The following RNF180 variants were observed in gnomAD, a reference collection of about 807,000 sequenced individuals.
RNF180 encodes ring finger protein 180.
In RNF180, 38 loss-of-function variants were observed where a neutral mutation model predicts 59.2. That is an observed-to-expected ratio of 0.64 (90% CI 0.50 to 0.84). The LOEUF is 0.84. Ranked by LOEUF, RNF180 falls within the 40% of genes least tolerant of loss-of-function variation. RNF180 has a pLI of 0.00. For missense variants in RNF180, 705 were observed against 700.9 expected, an observed-to-expected ratio of 1.01 and a Z score of -0.07; for synonymous variants, 262 against 240.3, an observed-to-expected ratio of 1.09 and a Z score of -0.84.
chr5:64,214,591 C>T (rs1458206030), intron 4 of RNF180, 74 bp downstream of exon 4: 4 of 1,321,780 alleles, frequency 3.0e-6, no homozygotes, highest in East Asian at 2.4e-5. Flanking sequence ...AGCTAACTTT[C>T]AACATCTGTA....
intron 5 of RNF180, among the ~76,000 whole-genome samples, chr5:64,313,066 G>C (rs1743856998): frequency 6.6e-6 from 1 of 152,088 alleles, no homozygotes; most frequent in Non-Finnish European, 1.5e-5. Flanking sequence ...TACATAGTAA[G>C]ATATCTTGGA....
chr5:64,271,024 CAG>C (rs1026061539), intron 5 of RNF180, among the ~76,000 whole-genome samples: 1 of 151,910 alleles, frequency 6.6e-6, no homozygotes, highest in Non-Finnish European at 1.5e-5. Flanking sequence ...GAAAACAAAA[CAG>C]AATAAAATAC....
At chr5:64,359,131 G>A (rs62369388) in intron 7 of RNF180, among the ~76,000 whole-genome samples, 4 of 149,422 alleles carry the variant, frequency 2.7e-5, no homozygotes, top group East Asian at 2.0e-4. Context: ...ATGATTTATA[G>A]TCCTTTGGGT....
chr5:64,333,609 C>G (rs1162706343), intron 7 of RNF180, among the ~76,000 whole-genome samples: 1 of 151,244 alleles, frequency 6.6e-6, no homozygotes. Flanking sequence ...CCCTTGTATT[C>G]TACCTTCTAT....
At chr5:64,357,724 T>G (rs545794242) in intron 7 of RNF180, among the ~76,000 whole-genome samples, 1 of 151,936 alleles carries the variant, frequency 6.6e-6, no homozygotes, top group East Asian at 2.0e-4. Flanking sequence ...AGTTTTTCTA[T>G]CTCTGAAACA....
intron 5 of RNF180, among the ~76,000 whole-genome samples, chr5:64,234,692 C>T (rs560416842): frequency 1.4e-5 from 2 of 143,190 alleles, no homozygotes; most frequent in African/African-American, 2.6e-5. Context: ...CTCCGCCTCC[C>T]GGGTTCACCC....
intron 7 of RNF180, among the ~76,000 whole-genome samples, chr5:64,336,459 G>A (rs1015802841): frequency 2.6e-5 from 4 of 152,054 alleles, no homozygotes; most frequent in Non-Finnish European, 4.4e-5. Context: ...TCCTACTGTG[G>A]GCTGTGAATA....
chr5:64,265,254 G>T (rs1333126166), intron 5 of RNF180, among the ~76,000 whole-genome samples: 1 of 152,032 alleles, frequency 6.6e-6, no homozygotes, highest in African/African-American at 2.4e-5. Context: ...ATCAATTCTA[G>T]CTTTTGTTGC....
chr5:64,260,854 T>G (rs1430357484), intron 5 of RNF180, among the ~76,000 whole-genome samples: 8 of 152,160 alleles, frequency 5.3e-5, no homozygotes, highest in African/African-American at 1.9e-4. Context: ...CTTAGCACAA[T>G]GCTTTCCACA....
intron 7 of RNF180, among the ~76,000 whole-genome samples, chr5:64,331,140 C>A (rs966918567): frequency 1.3e-5 from 2 of 152,242 alleles, no homozygotes; most frequent in African/African-American, 4.8e-5. Flanking sequence ...ACTCTGGGTG[C>A]TGACAAGCAT....
At chr5:64,287,091 C>T (rs1347163762) in intron 5 of RNF180, among the ~76,000 whole-genome samples, 1 of 152,066 alleles carries the variant, frequency 6.6e-6, no homozygotes, top group Non-Finnish European at 1.5e-5. Flanking sequence ...CTCAGCCTCC[C>T]GAGTAGCTAG....
chr5:64,203,240 A>G (rs1751843516), intron 2 of RNF180, among the ~76,000 whole-genome samples: 2 of 152,198 alleles, frequency 1.3e-5, no homozygotes, highest in African/African-American at 4.8e-5. Flanking sequence ...GGAGTACTCT[A>G]ACAGAGGAAT....
chr5:64,298,142 T>G (rs1483656048), intron 5 of RNF180, among the ~76,000 whole-genome samples: 3 of 152,074 alleles, frequency 2.0e-5, no homozygotes, highest in Admixed American at 1.3e-4. Context: ...CTGCATTAGT[T>G]TGCTAAGGAT....
chr5:64,337,356 C>CT (rs1415457089), intron 7 of RNF180, among the ~76,000 whole-genome samples: 4 of 152,148 alleles, frequency 2.6e-5, no homozygotes, highest in Non-Finnish European at 5.9e-5. Context: ...CTTTTTCGGT[C>CT]TTTATCTAGA....
At chr5:64,307,286 C>G (rs1210436601) in intron 5 of RNF180, among the ~76,000 whole-genome samples, 2 of 151,278 alleles carry the variant, frequency 1.3e-5, no homozygotes, top group Non-Finnish European at 3.0e-5. Flanking sequence ...TGGCTTAGGA[C>G]ATGAAACCTA....
chr5:64,261,788 AT>A (rs1042470424), intron 5 of RNF180, among the ~76,000 whole-genome samples: 2 of 152,148 alleles, frequency 1.3e-5, no homozygotes, highest in African/African-American at 4.8e-5. Context: ...TTTATTCAGA[AT>A]TTGCTGTAGC....
In RNF180 at chr5:64,214,109, A is replaced by T. The variant is rs368841360; in HGVS notation, c.783A>T (p.Thr261=). ...CTGCCTATTCCAGACTAAATGAAACACAGCCTATTGACCTTTCAGGCTTGC... is the reference window on the plus strand; with the variant it reads ...CTGCCTATTCCAGACTAAATGAAACTCAGCCTATTGACCTTTCAGGCTTGC... ...KTTAYSRLNE[T]QPIDLSGLPL... The change falls in exon 4 of 8, where the codon ACA becomes ACT. Residue 261 remains threonine (T), a synonymous_variant. Transcript: ENST00000389100. The T allele has an allele frequency of 5.8e-5, 93 of 1,613,992 alleles. No homozygotes were observed. Among genetic ancestry groups the T allele is most frequent in the Non-Finnish European group, 7.7e-5 (91 of 1,180,004 alleles).
intron 5 of RNF180, among the ~76,000 whole-genome samples, chr5:64,235,272 G>T (rs528006192): frequency 1.3e-5 from 2 of 152,264 alleles, no homozygotes; most frequent in East Asian, 3.9e-4. Context: ...AACTGGGCAA[G>T]ACCCTGTCTC....
rs539086999 is a variant in RNF180 at position 64,289,644 on chromosome 5, T to C, written c.1228-35542T>C. 6.7e-4 allele frequency among the ~76,000 whole-genome samples: 102 copies of C among 152,286 alleles called. 1 individual carries two copies. Among genetic ancestry groups the C allele is most frequent in the African/African-American group, 2.4e-3 (99 of 41,570 alleles). On this transcript the variant is annotated intron_variant, in intron 5 of 7. Transcript: ENST00000389100. ...GAGGGTGTATGTGTCTAGGAACGTA[T>C]TCATGTCTTCTAGATTTTCTAGTTT...
Sources: gnomAD v4.1 joint callset for allele counts (sites outside exome capture counted in the v4.1 genomes callset) on GRCh38, gnomAD v4.1.1 for gene constraint, MANE v1.5 for transcripts, NCBI Gene and HGNC (gene_info 2026-07-23, HGNC 2026-07-21) for gene names.